The following RSAD2 variants were observed in gnomAD, a reference collection of about 807,000 sequenced individuals.
RSAD2 encodes S-adenosylmethionine-dependent nucleotide dehydratase RSAD2.
A neutral mutation model predicts 37.7 loss-of-function variants in RSAD2; 38 were observed. The observed-to-expected ratio is 1.01, with a 90% CI of 0.78 to 1.32. The LOEUF (loss-of-function observed/expected upper bound fraction) is 1.32, where lower values mean the gene tolerates loss of function less well. Ranked by LOEUF, RSAD2 falls within the 40% of genes most tolerant of loss-of-function variation. The pLI is 0.00. For synonymous variants in RSAD2, 163 were observed against 157.4 expected (o/e 1.04, Z -0.27); for missense variants, 428 against 437.5 (o/e 0.98, Z 0.19).
At chr2:6,866,430 G>T in intron 1 of RSAD2, 1 of 985,542 alleles carries the variant, frequency 1.0e-6, no homozygotes, top group African/African-American at 1.7e-5. Context: ...ACTCACCTGT[G>T]CACAAGCTTT....
chr2:6,895,204 C>G (rs1425780440), intron 5 of RSAD2, among the ~76,000 whole-genome samples: 1 of 152,222 alleles, frequency 6.6e-6, no homozygotes, highest in Non-Finnish European at 1.5e-5. Context: ...TCTTCTTGAT[C>G]TGGCACCTGC....
At position 6,895,957 on chromosome 2, in the gene RSAD2, C is replaced by T. The variant is rs780832260; in HGVS notation, c.*15C>T. On this transcript the variant is annotated 3_prime_UTR_variant, in exon 6 of 6. Coordinates refer to ENST00000382040, the MANE Select transcript of RSAD2 (RefSeq NM_080657.5). The stretch of plus-strand genomic sequence containing the variant: ...TGGATTGGTAGAGCGGAAAGTGGAA[C>T]GAGACTTCAACACACCAGTGGGAAA... 5.3e-5 allele frequency: 85 copies of T among 1,610,546 alleles called. No homozygotes were observed. The highest frequency in any genetic ancestry group is 4.8e-5 in the Non-Finnish European group (56 of 1,177,702).
intron 5 of RSAD2, among the ~76,000 whole-genome samples, chr2:6,895,028 T>C (rs934506140): frequency 1.3e-5 from 2 of 152,230 alleles, no homozygotes; most frequent in African/African-American, 2.4e-5. Flanking sequence ...TTGAATAACA[T>C]TTTGCTTCAA....
At chr2:6,879,338 C>T (rs1663354035) in intron 1 of RSAD2, among the ~76,000 whole-genome samples, 1 of 152,100 alleles carries the variant, frequency 6.6e-6, no homozygotes, top group African/African-American at 2.4e-5. Context: ...TGATTTAACT[C>T]CTAACTCTCC....
intron 3 of RSAD2, among the ~76,000 whole-genome samples, chr2:6,888,771 C>T (rs1395872527): frequency 6.6e-6 from 1 of 152,160 alleles, no homozygotes; most frequent in Non-Finnish European, 1.5e-5. Flanking sequence ...TGTATGCAGG[C>T]TTCCAATTGA....
chr2:6,883,796 C>T, intron 2 of RSAD2: 2 of 401,094 alleles, frequency 5.0e-6, no homozygotes, highest in Non-Finnish European at 8.9e-6. Context: ...TGCAATTTAG[C>T]AAATACAAGA....
chr2:6,866,537 T>C, intron 1 of RSAD2: 7 of 951,602 alleles, frequency 7.4e-6, no homozygotes, highest in Non-Finnish European at 7.5e-6. Context: ...TTCCACCAAA[T>C]TGAAGTTTCC....
chr2:6,888,566 T>C (rs1471764691), intron 3 of RSAD2, among the ~76,000 whole-genome samples: 2 of 152,162 alleles, frequency 1.3e-5, no homozygotes, highest in African/African-American at 2.4e-5. Context: ...TTGTTCTCTT[T>C]TGGTGTCCTT....
chr2:6,885,521 A>G (rs1023498859), intron 2 of RSAD2, among the ~76,000 whole-genome samples: 1 of 152,198 alleles, frequency 6.6e-6, no homozygotes, highest in African/African-American at 2.4e-5. Context: ...ATGTGCAGGG[A>G]TTGGCCAAGA....
chr2:6,880,286 A>G (rs1254807551), intron 1 of RSAD2, among the ~76,000 whole-genome samples: 3 of 152,190 alleles, frequency 2.0e-5, no homozygotes, highest in African/African-American at 7.2e-5. Flanking sequence ...GAGAAAAAAA[A>G]CCTGAGAGGG....
In RSAD2 at chr2:6,890,193, A is replaced by C; in HGVS notation, c.756A>C (p.Leu252Phe). Residue 252 changes from leucine to phenylalanine, a missense_variant, in exon 4 of 6, where the codon TTA becomes TTC. Coordinates refer to ENST00000382040, the MANE Select transcript of RSAD2 (RefSeq NM_080657.5). ...PVRWKVFQCL[L>F]IEGENCGEDA... is the part of the protein sequence containing the mutation. Reference sequence around the variant, plus strand: ...CCTTTCAGGTGTTCCAGTGCCTCTTAATTGAGGGTGAGAATTGTGGAGAAG... The same window carrying C: ...CCTTTCAGGTGTTCCAGTGCCTCTTCATTGAGGGTGAGAATTGTGGAGAAG... The C allele has an allele frequency of 6.2e-7, 1 of 1,614,164 alleles. No homozygotes were observed. Among genetic ancestry groups the C allele is most frequent in the Non-Finnish European group, 8.5e-7 (1 of 1,180,008 alleles).
chr2:6,869,881 C>G (rs528712382), intron 1 of RSAD2, among the ~76,000 whole-genome samples: 1 of 152,188 alleles, frequency 6.6e-6, no homozygotes, highest in Admixed American at 6.5e-5. Context: ...AGAGGTCACA[C>G]GAGTACTGTG....
chr2:6,894,800 T>C (rs1020118143), intron 5 of RSAD2, among the ~76,000 whole-genome samples: 1 of 152,260 alleles, frequency 6.6e-6, no homozygotes, highest in African/African-American at 2.4e-5. Context: ...ATTTCATTTC[T>C]TAACAATATA....
intron 4 of RSAD2, 92 bp downstream of exon 4, chr2:6,890,417 T>A: frequency 7.2e-7 from 1 of 1,384,832 alleles, no homozygotes; most frequent in Non-Finnish European, 1.0e-6. Context: ...CCACACATTG[T>A]TATTTTAGAG....
rs188146594 is a variant in RSAD2, at chr2:6,884,385, G to T, written c.508+853G>T. On this transcript the variant is annotated intron_variant, in intron 2 of 5. Coordinates refer to ENST00000382040, the MANE Select transcript of RSAD2 (RefSeq NM_080657.5). ...GGTGAATTAGGAAGGGCCTACAAGC[G>T]TGTAAAACCAAAATGGTAGTGAAGG... Among the ~76,000 whole-genome samples the T allele has an allele frequency of 2.8e-4, 43 of 152,288 alleles. No homozygotes were observed. In the East Asian group the frequency reaches 8.1e-3, roughly 29 times the overall value.
In RSAD2 at chr2:6,896,232, G is replaced by A. The variant is rs1231115248; in HGVS notation, c.*290G>A. On this transcript the variant is annotated 3_prime_UTR_variant, in exon 6 of 6. Coordinates refer to ENST00000382040, the MANE Select transcript of RSAD2 (RefSeq NM_080657.5). Reference sequence around the variant, plus strand: ...AGCTAAAAAGAAGGAATACACACAGGAATAATGACCCCAAAAATGCTTAGA... The same window carrying A: ...AGCTAAAAAGAAGGAATACACACAGAAATAATGACCCCAAAAATGCTTAGA... 7.4e-6 allele frequency: 2 copies of A among 271,552 alleles called. No individual in the cohort carries two copies. Among genetic ancestry groups the A allele is most frequent in the East Asian group, 1.3e-4 (2 of 15,114 alleles). The allele number at this position is 271,552 out of a possible 1,614,324, so 16.8% of individuals were successfully genotyped here.
intron 1 of RSAD2, among the ~76,000 whole-genome samples, chr2:6,878,441 A>T (rs916025099): frequency 6.6e-6 from 1 of 152,198 alleles, no homozygotes. Flanking sequence ...GCAGGTCCCT[A>T]TTACACTTGG....
At chr2:6,870,336 T>A (rs1011573642) in intron 1 of RSAD2, among the ~76,000 whole-genome samples, 1 of 152,204 alleles carries the variant, frequency 6.6e-6, no homozygotes, top group African/African-American at 2.4e-5. Flanking sequence ...TTGTCTTAAA[T>A]AATTTCAAGG....
At chr2:6,882,445 TA>T (rs34669272) in intron 1 of RSAD2, among the ~76,000 whole-genome samples, 150,789 of 152,146 alleles carry the variant, frequency 0.99, 74,739 homozygotes, top group Middle Eastern at 1. Context: ...GTTAAAGTCT[TA>T]ACCAAAATGA....
Sources: gnomAD v4.1 joint callset for allele counts (sites outside exome capture counted in the v4.1 genomes callset) on GRCh38, gnomAD v4.1.1 for gene constraint, MANE v1.5 for transcripts, NCBI Gene and HGNC (gene_info 2026-07-23, HGNC 2026-07-21) for gene names.